CERS5: variants seen among roughly 807,000 people sequenced by gnomAD.
The protein encoded by CERS5 is LAG1 homolog, ceramide synthase 5.
CERS5 carries 37 observed loss-of-function variants against 58.9 expected under a neutral mutation model. The observed-to-expected ratio is 0.63, with a 90% CI of 0.48 to 0.83. The LOEUF (loss-of-function observed/expected upper bound fraction) is 0.83, where lower values mean the gene tolerates loss of function less well. Ranked by LOEUF, CERS5 falls within the 40% of genes least tolerant of loss-of-function variation. The pLI, the probability that CERS5 is intolerant of heterozygous loss-of-function variation, is 0.00. For synonymous variants in CERS5, 147 were observed against 177.8 expected (o/e 0.83, Z 1.38); for missense variants, 398 against 489.3 (o/e 0.81, Z 1.76).
intron 1 of CERS5, among the ~76,000 whole-genome samples, chr12:50,156,435 T>TATATATATATATAA (rs1196687823): frequency 7.6e-6 from 1 of 131,056 alleles, no homozygotes; most frequent in African/African-American, 3.0e-5. Context: ...TATATATATA[T>TATATATATATATAA]ATAAAACAAT....
At chr12:50,135,537 G>A in intron 8 of CERS5, 195 bp downstream of exon 8, 1 of 705,178 alleles carries the variant, frequency 1.4e-6, no homozygotes, top group East Asian at 2.7e-5. Context: ...AATACGGTCT[G>A]AGGCAGCAGA....
intron 1 of CERS5, chr12:50,154,216 G>T: frequency 2.8e-6 from 1 of 351,536 alleles, no homozygotes. Context: ...AGCTGGGTGC[G>T]GTGGCACATG....
Position 50,143,223 on chromosome 12 carries a change from A to T in CERS5, c.304-19T>A. 6.2e-7 allele frequency: 1 copy of T among 1,613,700 alleles called. No individual in the cohort carries two copies. Among genetic ancestry groups the T allele is most frequent in the Non-Finnish European group, 8.5e-7 (1 of 1,179,800 alleles). Reference sequence around the variant, plus strand: ...CAGGATACTGTGAATGTATAACCAGAGTCAGAACACCCGTCTCCTCATACC... The same window carrying T: ...CAGGATACTGTGAATGTATAACCAGTGTCAGAACACCCGTCTCCTCATACC... On this transcript the variant is annotated intron_variant, in intron 2 of 9. Transcript: ENST00000317551.
rs57651378 is a variant in CERS5 at position 50,140,284 on chromosome 12, A to ATTTTTTTTTTTTTTTTTTTTTTT, written c.493-1690_493-1668dup. ...TTGAGAAGAGTTGTTTAACTTCCAA[A>ATTTTTTTTTTTTTTTTTTTTTTT]TTTTTTTTTTTTTTTTTTTTTTTTT... On this transcript the variant is annotated intron_variant, in intron 4 of 9. Coordinates refer to ENST00000317551, the MANE Select transcript of CERS5 (RefSeq NM_147190.5). Among the ~76,000 whole-genome samples, 22 of 96,248 alleles carry ATTTTTTTTTTTTTTTTTTTTTTT rather than the reference A, an allele frequency of 2.3e-4. 2 individuals carry two copies. Among genetic ancestry groups the ATTTTTTTTTTTTTTTTTTTTTTT allele is most frequent in the African/African-American group, 9.4e-4 (21 of 22,350 alleles). The allele number at this position is 96,248 out of a possible 152,430, so 63.1% of individuals were successfully genotyped here. A position where few individuals can be genotyped will look rare whatever the true frequency, so the allele number is the denominator to read the frequency against.
chr12:50,148,972 G>A (rs935008811), intron 1 of CERS5, among the ~76,000 whole-genome samples: 13 of 141,166 alleles, frequency 9.2e-5, no homozygotes, highest in East Asian at 6.1e-4. Context: ...GTGTGTGTGC[G>A]TGTAGACATT....
intron 1 of CERS5, among the ~76,000 whole-genome samples, chr12:50,147,811 T>C (rs1037273785): frequency 7.2e-5 from 11 of 152,286 alleles, no homozygotes; most frequent in Admixed American, 2.6e-4. Context: ...AGGGTCTCAC[T>C]CTGCCACCCA....
chr12:50,138,504 A>C, intron 5 of CERS5, 63 bp downstream of exon 5: 1 of 1,341,960 alleles, frequency 7.5e-7, no homozygotes, highest in Non-Finnish European at 1.1e-6. Flanking sequence ...CTGGCAAAGG[A>C]CCCTCACTCA....
intron 4 of CERS5, among the ~76,000 whole-genome samples, chr12:50,139,944 C>A (rs1258000830): frequency 1.3e-5 from 2 of 151,122 alleles, no homozygotes; most frequent in East Asian, 2.0e-4. Flanking sequence ...AAGCTGATCT[C>A]GAACTCCTGG....
intron 8 of CERS5, among the ~76,000 whole-genome samples, chr12:50,135,159 A>G (rs114778892): frequency 5.5e-5 from 2 of 36,250 alleles, no homozygotes; most frequent in Non-Finnish European, 5.8e-5. Flanking sequence ...AGGGAGGGAG[A>G]GAGAGGGGAG....
At chr12:50,141,939 CAAAAAA>C (rs35739493) in intron 4 of CERS5, 108 bp downstream of exon 4, 63 of 408,918 alleles carry the variant, frequency 1.5e-4, no homozygotes, top group Admixed American at 1.9e-4. Flanking sequence ...GACTCCGTCT[CAAAAAA>C]AAAAAAAAAA....
chr12:50,154,569 A>G (rs1480301270), intron 1 of CERS5, among the ~76,000 whole-genome samples: 1 of 152,232 alleles, frequency 6.6e-6, no homozygotes, highest in Non-Finnish European at 1.5e-5. Flanking sequence ...ATTAAGCCAG[A>G]TATTAAAGAG....
In CERS5 at chr12:50,134,680, C is replaced by CA; in HGVS notation, c.894dup (p.Glu299Ter). The CA allele has an allele frequency of 6.2e-7, 1 of 1,613,992 alleles. No individual in the cohort carries two copies. Among genetic ancestry groups the CA allele is most frequent in the Non-Finnish European group, 8.5e-7 (1 of 1,179,944 alleles). On this transcript the variant is annotated frameshift_variant, in exon 9 of 10. Transcript: ENST00000317551. LOFTEE classifies it high-confidence loss of function. ...TAAGGCCCGATTATCTCCCAACTCT[C>CA]AAAGAGGGTCGTGTTCAGAATCCTA...
chr12:50,135,677 C>T, intron 8 of CERS5, 55 bp downstream of exon 8: 2 of 1,279,120 alleles, frequency 1.6e-6, no homozygotes, highest in East Asian at 4.6e-5. Context: ...TGAGAATTGG[C>T]AAAAAGGTAT....
chr12:50,156,496 TGAGGTGGGAGGATTGTTTGAGCCAA>T (rs1938670811), intron 1 of CERS5, among the ~76,000 whole-genome samples: 1 of 147,054 alleles, frequency 6.8e-6, no homozygotes, highest in African/African-American at 2.5e-5. Context: ...ACTGGGAGGC[TGAGGTGGGAGGATTGTTTGAGCCAA>T]GAGGTGGAGG....
In CERS5 at chr12:50,135,793, T is replaced by C. The variant is rs1363823518; in HGVS notation, c.811A>G (p.Thr271Ala). The change falls in exon 8 of 10, where the codon ACC becomes GCC. Residue 271 changes from threonine (T) to alanine (A), a missense_variant. Physicochemically the swap from Thr to Ala is moderately conservative, Grantham distance 58. Coordinates refer to ENST00000317551, the MANE Select transcript of CERS5 (RefSeq NM_147190.5). ...NYAKYQRLCD[T>A]LFVIFSAVFM... ...ACAGCACTGAAGATCACAAAAAGGG[T>C]GTCACAGAGCCGCTGATACTTGGCA... 1.2e-6 allele frequency: 2 copies of C among 1,613,842 alleles called. No individual in the cohort carries two copies. Among genetic ancestry groups the C allele is most frequent in the Non-Finnish European group, 1.7e-6 (2 of 1,179,984 alleles).
At chr12:50,136,821 TC>T (rs1176209154) in intron 6 of CERS5, among the ~76,000 whole-genome samples, 1 of 152,344 alleles carries the variant, frequency 6.6e-6, no homozygotes, top group East Asian at 1.9e-4. Context: ...TGGGGAAGTC[TC>T]TAAATACTTG....
In CERS5 at chr12:50,143,073, C is replaced by T. The variant is rs1323252997; in HGVS notation, c.434+1G>A. ...CCCTCCCTCCCTCCTTGCGTACTTA[C>T]ATGCTTTCACAGAATTTAGTAAGCG... is the stretch of plus-strand genomic sequence containing the variant. On this transcript the variant is annotated splice_donor_variant, in intron 3 of 9. Coordinates refer to ENST00000317551, the MANE Select transcript of CERS5 (RefSeq NM_147190.5). LOFTEE classifies it high-confidence loss of function. 1.2e-6 allele frequency: 2 copies of T among 1,603,706 alleles called. No individual in the cohort carries two copies. The highest frequency in any genetic ancestry group is 2.2e-5 in the East Asian group (1 of 44,666).
intron 1 of CERS5, among the ~76,000 whole-genome samples, chr12:50,161,782 A>C (rs1939290922): frequency 7.6e-6 from 1 of 131,448 alleles, no homozygotes; most frequent in South Asian, 2.4e-4. Context: ...GTCTCAAAAA[A>C]AGAAAAAAAA....
At chr12:50,155,442 TA>T (rs1034070455) in intron 1 of CERS5, among the ~76,000 whole-genome samples, 28 of 146,044 alleles carry the variant, frequency 1.9e-4, no homozygotes, top group Admixed American at 2.1e-4. Context: ...TGAGGGCCAT[TA>T]AAAAAAAAAA....
Sources: allele counts gnomAD v4.1 joint callset (sites outside exome capture counted in the v4.1 genomes callset), GRCh38; gene constraint gnomAD v4.1.1; transcripts MANE v1.5; gene names NCBI Gene and HGNC (gene_info 2026-07-23, HGNC 2026-07-21).